Variants in XKR6 observed in about 807,000 individuals in gnomAD.
The protein encoded by XKR6 is XK related 6, also known as XK-related protein 6.
In XKR6, 22 loss-of-function variants were observed where a neutral mutation model predicts 56.7. That is an observed-to-expected ratio of 0.39 (90% CI 0.28 to 0.55). XKR6 has a LOEUF of 0.55. Ranked by LOEUF, XKR6 falls within the 20% of genes least tolerant of loss-of-function variation. The pLI is 0.66. For missense variants in XKR6, 852 were observed against 889.0 expected (o/e 0.96, Z 0.53); for synonymous variants, 524 against 387.8 (o/e 1.35, Z -4.13).
intron 1 of XKR6, among the ~76,000 whole-genome samples, chr8:11,033,883 T>C (rs1020780397): frequency 6.6e-6 from 1 of 152,152 alleles, no homozygotes; most frequent in African/African-American, 2.4e-5. Flanking sequence ...GAGCCACCCA[T>C]ACAATCCAGC....
At chr8:11,113,244 A>C (rs1470881414) in intron 1 of XKR6, among the ~76,000 whole-genome samples, 1 of 152,232 alleles carries the variant, frequency 6.6e-6, no homozygotes, top group Non-Finnish European at 1.5e-5. Context: ...TGTGAATCTG[A>C]ACTCCAAGCA....
At position 11,200,110 on chromosome 8, in the gene XKR6, C is replaced by A. The variant is rs1804120748; in HGVS notation, c.764+466G>T. Reference sequence around the variant, plus strand: ...GGCAGCAAGGGTTTTTCCACAGGGCCCCACGCAGGCCACTGCAGAGGGAGA... The same window carrying A: ...GGCAGCAAGGGTTTTTCCACAGGGCACCACGCAGGCCACTGCAGAGGGAGA... On this transcript the variant is annotated intron_variant, in intron 1 of 2. Transcript: ENST00000416569. This position sits in a 1 kb window ranked among gnomAD's most constrained non-coding sequence, Gnocchi z 6.4. 6.6e-6 allele frequency among the ~76,000 whole-genome samples: 1 copy of A among 152,160 alleles called. No homozygotes were observed. The highest frequency in any genetic ancestry group is 1.5e-5 in the Non-Finnish European group (1 of 68,034).
At chr8:10,993,542 C>T (rs1020016082) in intron 1 of XKR6, among the ~76,000 whole-genome samples, 9 of 152,244 alleles carry the variant, frequency 5.9e-5, no homozygotes, top group Admixed American at 1.3e-4. Flanking sequence ...CGCTGCAGTG[C>T]TCAGCCGTTC....
At chr8:10,972,679 T>G (rs1802442476) in intron 1 of XKR6, among the ~76,000 whole-genome samples, 2 of 152,064 alleles carry the variant, frequency 1.3e-5, no homozygotes, top group Non-Finnish European at 2.9e-5. Flanking sequence ...ACAGACAAAG[T>G]AGAACAGGCT....
intron 1 of XKR6, among the ~76,000 whole-genome samples, chr8:11,195,455 T>TC (rs1214359297): frequency 2.0e-5 from 3 of 152,196 alleles, no homozygotes; most frequent in Non-Finnish European, 4.4e-5. Flanking sequence ...ATGTACAGAC[T>TC]CTTTATTCTC....
chr8:11,087,232 G>A (rs999526421), intron 1 of XKR6, among the ~76,000 whole-genome samples: 1 of 152,172 alleles, frequency 6.6e-6, no homozygotes, highest in Non-Finnish European at 1.5e-5. Flanking sequence ...CTTGGAGGAG[G>A]CATTCAACCA....
intron 1 of XKR6, among the ~76,000 whole-genome samples, chr8:11,152,436 T>C (rs1334532666): frequency 6.6e-6 from 1 of 152,018 alleles, no homozygotes; most frequent in East Asian, 1.9e-4. Flanking sequence ...TCTAGATACA[T>C]AATAAATCAT....
At chr8:10,988,061 T>C (rs1797903428) in intron 1 of XKR6, among the ~76,000 whole-genome samples, 1 of 152,360 alleles carries the variant, frequency 6.6e-6, no homozygotes, top group Non-Finnish European at 1.5e-5. Context: ...TTAAATCAAC[T>C]TAATGGGCTG....
intron 1 of XKR6, among the ~76,000 whole-genome samples, chr8:11,119,569 T>C (rs1223664532): frequency 2.6e-5 from 4 of 152,172 alleles, no homozygotes; most frequent in Admixed American, 1.3e-4. Context: ...TGTAATGGCC[T>C]TGTCTCTTTT....
At chr8:10,913,101 G>C (rs1013941982) in intron 2 of XKR6, among the ~76,000 whole-genome samples, 4 of 151,260 alleles carry the variant, frequency 2.6e-5, no homozygotes, top group East Asian at 1.9e-4. Flanking sequence ...TATAGAGAGA[G>C]AGTATATATA....
At chr8:10,966,037 CG>C (rs1384139619) in intron 1 of XKR6, among the ~76,000 whole-genome samples, 4 of 152,172 alleles carry the variant, frequency 2.6e-5, no homozygotes, top group African/African-American at 9.6e-5. Context: ...CCTAGAGCAG[CG>C]GTTCTCAAAC....
At chr8:11,157,621 T>C (rs1021460926) in intron 1 of XKR6, among the ~76,000 whole-genome samples, 1 of 152,106 alleles carries the variant, frequency 6.6e-6, no homozygotes, top group Admixed American at 6.5e-5. Context: ...ACCCAAGGGA[T>C]GCTCCCACCT....
intron 1 of XKR6, among the ~76,000 whole-genome samples, chr8:11,059,035 C>T: frequency 6.6e-6 from 1 of 152,208 alleles, no homozygotes; most frequent in Non-Finnish European, 1.5e-5. Context: ...CGGCCCAAGC[C>T]CTTGGGCCAG....
chr8:11,050,360 C>T (rs1403667558), intron 1 of XKR6, among the ~76,000 whole-genome samples: 4 of 135,060 alleles, frequency 3.0e-5, no homozygotes, highest in African/African-American at 7.7e-5. Flanking sequence ...CCAAGCCCCA[C>T]GATCTCCTCA....
At chr8:11,006,705 G>C (rs999043709) in intron 1 of XKR6, among the ~76,000 whole-genome samples, 27 of 152,174 alleles carry the variant, frequency 1.8e-4, no homozygotes, top group Admixed American at 1.6e-3. Context: ...AGAGAGCTAA[G>C]TGGGCCATTA....
At chr8:11,126,317 C>T (rs996243613) in intron 1 of XKR6, among the ~76,000 whole-genome samples, 2 of 152,124 alleles carry the variant, frequency 1.3e-5, no homozygotes, top group Middle Eastern at 3.2e-3. Flanking sequence ...CCGCCCACCT[C>T]GGCCTCCCAA....
intron 1 of XKR6, among the ~76,000 whole-genome samples, chr8:11,039,709 C>T (rs1222233417): frequency 2.0e-5 from 3 of 152,348 alleles, no homozygotes; most frequent in African/African-American, 7.2e-5. Flanking sequence ...CATCTGTACT[C>T]GCCCCTTCCC....
chr8:11,196,166 C>A (rs1803876519), intron 1 of XKR6, among the ~76,000 whole-genome samples: 1 of 152,106 alleles, frequency 6.6e-6, no homozygotes, highest in South Asian at 2.1e-4. Context: ...TCTTAAACCA[C>A]AAAATCTTAG....
rs1001974235 is a variant in XKR6, at chr8:11,130,563, G to A, written c.764+70013C>T. On this transcript the variant is annotated intron_variant, in intron 1 of 2. Coordinates refer to ENST00000416569, the MANE Select transcript of XKR6 (RefSeq NM_173683.4). ...TCTCTGTAGACTTCCTTAGGCTAAA[G>A]GGCTAGGGGCTGCCAACTATGGCTA... is the stretch of plus-strand genomic sequence containing the variant. 2.6e-5 allele frequency among the ~76,000 whole-genome samples: 4 copies of A among 151,624 alleles called. No homozygotes were observed. The South Asian group carries it at 8.3e-4, about 32-fold the overall frequency.
Sources: gnomAD v4.1 joint callset for allele counts (sites outside exome capture counted in the v4.1 genomes callset) on GRCh38, gnomAD v4.1.1 for gene constraint, Gnocchi (gnomAD v3.1) non-coding constraint, MANE v1.5 for transcripts, NCBI Gene and HGNC (gene_info 2026-07-23, HGNC 2026-07-21) for gene names.